MAN2A1: variants seen among roughly 807,000 people sequenced by gnomAD.
MAN2A1 encodes the protein alpha-mannosidase 2.
A neutral mutation model predicts 142.6 loss-of-function variants in MAN2A1; 76 were observed. The observed-to-expected ratio is 0.53, with a 90% CI of 0.44 to 0.65. MAN2A1 has a LOEUF of 0.65. Among genes scored for constraint, MAN2A1 ranks in the 30% least tolerant of loss-of-function variants. The pLI is 0.00. For synonymous variants in MAN2A1, 559 were observed against 473.2 expected (o/e 1.18, Z -2.35); for missense variants, 1,311 against 1,365.1 (o/e 0.96, Z 0.62).
At chr5:109,860,771 G>A (rs1228958294) in intron 20 of MAN2A1, among the ~76,000 whole-genome samples, 2 of 152,156 alleles carry the variant, frequency 1.3e-5, no homozygotes, top group Non-Finnish European at 1.5e-5. Context: ...GAAGTGGGGT[G>A]AATGGATAGG....
intron 20 of MAN2A1, among the ~76,000 whole-genome samples, chr5:109,860,130 G>A (rs985593691): frequency 6.6e-6 from 1 of 151,530 alleles, no homozygotes; most frequent in African/African-American, 2.4e-5. Flanking sequence ...TACTTTATTT[G>A]TCTTTCTTAT....
At chr5:109,859,270 C>T (rs1755697396) in intron 20 of MAN2A1, among the ~76,000 whole-genome samples, 1 of 152,146 alleles carries the variant, frequency 6.6e-6, no homozygotes, top group Non-Finnish European at 1.5e-5. Context: ...TTCTAAAAGT[C>T]CAAGCTTTCA....
intron 20 of MAN2A1, chr5:109,864,781 T>A (rs1203942476): frequency 2.3e-6 from 1 of 428,100 alleles, no homozygotes; most frequent in Non-Finnish European, 4.2e-6. Flanking sequence ...CCTCGGGGAT[T>A]ATAGGGGAAA....
At position 109,819,907 on chromosome 5, in the gene MAN2A1, A is replaced by G. The variant is rs1235418885; in HGVS notation, c.2328+20A>G. Reference sequence around the variant, plus strand: ...ATGAAGGTATGTTCTGAATAGTTCTAAAATTCATAGAATGCTTATCATTTT... The same window carrying G: ...ATGAAGGTATGTTCTGAATAGTTCTGAAATTCATAGAATGCTTATCATTTT... On this transcript the variant is annotated intron_variant, in intron 14 of 21. Coordinates refer to ENST00000261483, the MANE Select transcript of MAN2A1 (RefSeq NM_002372.4). 12 of 1,468,086 alleles carry G rather than the reference A, an allele frequency of 8.2e-6. No individual in the cohort carries two copies. The highest frequency in any genetic ancestry group is 1.1e-5 in the Non-Finnish European group (12 of 1,086,076). 90.9% of individuals were successfully genotyped at this position (1,468,086 alleles called of 1,614,324 possible). A position where few individuals can be genotyped will look rare whatever the true frequency, so the allele number is the denominator to read the frequency against.
At chr5:109,701,150 ATAT>A (rs1389931104) in intron 1 of MAN2A1, among the ~76,000 whole-genome samples, 1 of 152,212 alleles carries the variant, frequency 6.6e-6, no homozygotes, top group Non-Finnish European at 1.5e-5. Context: ...AGAGTCAATG[ATAT>A]TATTTTACAT....
At chr5:109,799,965 G>T (rs895294312) in intron 12 of MAN2A1, among the ~76,000 whole-genome samples, 6 of 151,808 alleles carry the variant, frequency 4.0e-5, no homozygotes, top group Admixed American at 3.3e-4. Flanking sequence ...GCATGCACCT[G>T]TAATCCCTGC....
chr5:109,771,346 A>G (rs975819739), intron 7 of MAN2A1, among the ~76,000 whole-genome samples: 1 of 152,196 alleles, frequency 6.6e-6, no homozygotes, highest in Non-Finnish European at 1.5e-5. Context: ...TTTATTTTCA[A>G]AAGAGAAGTC....
intron 17 of MAN2A1, among the ~76,000 whole-genome samples, chr5:109,845,258 TAG>T (rs1236735280): frequency 6.6e-6 from 1 of 152,086 alleles, no homozygotes; most frequent in Admixed American, 6.6e-5. Flanking sequence ...TCTCAAAAAG[TAG>T]AGTCATATTT....
At chr5:109,768,330 G>A (rs945836273) in intron 6 of MAN2A1, among the ~76,000 whole-genome samples, 2 of 152,086 alleles carry the variant, frequency 1.3e-5, no homozygotes, top group African/African-American at 4.8e-5. Flanking sequence ...TATTTATCGA[G>A]CCTTTATTAT....
At chr5:109,812,318 A>G (rs1754341561) in intron 12 of MAN2A1, among the ~76,000 whole-genome samples, 1 of 152,194 alleles carries the variant, frequency 6.6e-6, no homozygotes, top group African/African-American at 2.4e-5. Flanking sequence ...GAATCACACA[A>G]TTGTGATTTT....
At chr5:109,699,979 T>C (rs1750929915) in intron 1 of MAN2A1, 2 of 152,260 alleles carry the variant, frequency 1.3e-5, no homozygotes, top group Admixed American at 6.5e-5. Flanking sequence ...TAATTACACC[T>C]GTGCCACTTG....
chr5:109,714,414 C>G (rs545338763), intron 2 of MAN2A1, among the ~76,000 whole-genome samples: 1 of 152,214 alleles, frequency 6.6e-6, no homozygotes, highest in East Asian at 1.9e-4. Context: ...TTTGGATATA[C>G]TGGATTAATG....
intron 4 of MAN2A1, among the ~76,000 whole-genome samples, chr5:109,745,085 G>A (rs554548926): frequency 6.6e-5 from 10 of 152,132 alleles, no homozygotes; most frequent in African/African-American, 2.4e-5. Flanking sequence ...GAATGTCAGA[G>A]TGTTTTTTGG....
intron 1 of MAN2A1, among the ~76,000 whole-genome samples, chr5:109,711,211 G>T (rs963786051): frequency 1.3e-4 from 20 of 152,194 alleles, no homozygotes; most frequent in African/African-American, 4.3e-4. Flanking sequence ...TAGCTGTACT[G>T]CTGGCGAGAT....
rs191501256 is a variant in MAN2A1, at chr5:109,718,129, T to C, written c.535+1865T>C. ...CTCCCTTCTCTTTCTGCCAATCATG[T>C]TTAGTTTAATTCTTGTTACTTAATT... On this transcript the variant is annotated intron_variant, in intron 3 of 21. Coordinates refer to ENST00000261483, the MANE Select transcript of MAN2A1 (RefSeq NM_002372.4). Among the ~76,000 whole-genome samples the C allele has an allele frequency of 7.4e-4, 112 of 152,352 alleles. 1 individual carries two copies. The highest frequency in any genetic ancestry group is 6.8e-3 in the Middle Eastern group (2 of 294).
intron 16 of MAN2A1, among the ~76,000 whole-genome samples, chr5:109,835,079 T>C (rs1213479456): frequency 1.3e-5 from 2 of 152,204 alleles, no homozygotes; most frequent in East Asian, 1.9e-4. Flanking sequence ...AGCATACTTA[T>C]CGAATTAAGC....
intron 3 of MAN2A1, among the ~76,000 whole-genome samples, chr5:109,728,089 C>G (rs1466946013): frequency 6.6e-6 from 1 of 152,108 alleles, no homozygotes; most frequent in Non-Finnish European, 1.5e-5. Flanking sequence ...TAGCTTCATA[C>G]GTGCCACATT....
At chr5:109,805,707 A>G (rs1561521262) in intron 12 of MAN2A1, among the ~76,000 whole-genome samples, 1 of 152,162 alleles carries the variant, frequency 6.6e-6, no homozygotes, top group Non-Finnish European at 1.5e-5. Flanking sequence ...GCGGGTATTA[A>G]TAGGTAATCC....
chr5:109,833,208 T>C (rs1754969719), intron 16 of MAN2A1, among the ~76,000 whole-genome samples: 2 of 148,830 alleles, frequency 1.3e-5, no homozygotes, highest in Non-Finnish European at 3.0e-5. Context: ...GCAGAGGGGC[T>C]CCTCACATCC....
Sources: gnomAD v4.1 joint callset for allele counts (sites outside exome capture counted in the v4.1 genomes callset) on GRCh38, gnomAD v4.1.1 for gene constraint, MANE v1.5 for transcripts, NCBI Gene and HGNC (gene_info 2026-07-23, HGNC 2026-07-21) for gene names.